The following NAA16 variants were observed in gnomAD, a reference collection of about 807,000 sequenced individuals.
NAA16 encodes the protein N-alpha-acetyltransferase 16, NatA auxiliary subunit.
In NAA16, 97 loss-of-function variants were observed where a neutral mutation model predicts 110.3. The ratio of observed to expected loss-of-function variants is 0.88; its 90% CI spans 0.75 to 1.04. The LOEUF (loss-of-function observed/expected upper bound fraction) is 1.04. Among genes scored for constraint, NAA16 ranks in the 50% least tolerant of loss-of-function variants. The probability of loss-of-function intolerance (pLI) is 0.00; values close to 1 mark genes in which losing one functional copy is unlikely to be tolerated. For missense variants in NAA16, 1,017 were observed against 1,005.1 expected (o/e 1.01, Z -0.16); for synonymous variants, 372 against 330.6 (o/e 1.13, Z -1.36).
chr13:41,322,800 T>C (rs1374500581), intron 4 of NAA16, among the ~76,000 whole-genome samples: 1 of 152,224 alleles, frequency 6.6e-6, no homozygotes, highest in Non-Finnish European at 1.5e-5. Context: ...TCTCATTATT[T>C]AAATGTAATT....
intron 3 of NAA16, 96 bp downstream of exon 3, chr13:41,319,006 A>C (rs1006042312): frequency 7.1e-6 from 4 of 566,938 alleles, no homozygotes; most frequent in African/African-American, 5.8e-5. Flanking sequence ...CCTACGTAGA[A>C]GAGAGAATTT....
rs745391055 is a variant in NAA16 at position 41,376,854 on chromosome 13, A to G, written c.*1252A>G. 3 of 152,202 alleles carry G rather than the reference A, an allele frequency of 2.0e-5. No individual in the cohort carries two copies. The highest frequency in any genetic ancestry group is 4.4e-5 in the Non-Finnish European group (3 of 68,034). 9.4% of individuals were successfully genotyped at this position (152,202 alleles called of 1,614,324 possible). On this transcript the variant is annotated 3_prime_UTR_variant, in exon 20 of 20. Coordinates refer to ENST00000379406, the MANE Select transcript of NAA16 (RefSeq NM_024561.5). ...TCAGAACCTTGTAAATATGTCTGTA[A>G]TATTAATGCTTCCCTTTATTAAGAC...
chr13:41,322,864 C>A (rs1197033319), intron 4 of NAA16, among the ~76,000 whole-genome samples, 192 bp from the exon 5 acceptor site: 1 of 152,078 alleles, frequency 6.6e-6, no homozygotes, highest in South Asian at 2.1e-4. Flanking sequence ...GACAGCCTCA[C>A]AGTGAGTATT....
intron 12 of NAA16, among the ~76,000 whole-genome samples, chr13:41,360,237 T>G (rs1435145970): frequency 6.6e-6 from 1 of 152,112 alleles, no homozygotes; most frequent in African/African-American, 2.4e-5. Flanking sequence ...CTCCAAAACT[T>G]GAAACTTTTT....
At position 41,374,820 on chromosome 13, in the gene NAA16, TAA is replaced by T; in HGVS notation, c.2381_2382del (p.Lys794ArgfsTer2). 1 of 1,608,050 alleles carries T rather than the reference TAA, an allele frequency of 6.2e-7. No homozygotes were observed. Among genetic ancestry groups the T allele is most frequent in the Non-Finnish European group, 8.5e-7 (1 of 1,176,708 alleles). ...ATAGCCACTAGACTAGATGAAACTA[TAA>T]AAGATAAAGATGTAAAGGTAAGTTT... On this transcript the variant is annotated frameshift_variant, in exon 19 of 20. Coordinates refer to ENST00000379406, the MANE Select transcript of NAA16 (RefSeq NM_024561.5). LOFTEE classifies it low-confidence loss of function (END_TRUNC).
At chr13:41,316,967 A>T in intron 2 of NAA16, 37 bp downstream of exon 2, 1 of 1,406,496 alleles carries the variant, frequency 7.1e-7, no homozygotes. Context: ...TAGGGAAATC[A>T]AATTCTAAAA....
At chr13:41,328,614 C>A in intron 6 of NAA16, 110 bp from the exon 7 acceptor site, 1 of 880,756 alleles carries the variant, frequency 1.1e-6, no homozygotes, top group Non-Finnish European at 1.7e-6. Context: ...GGGAAGCATA[C>A]AGAGTTCTGT....
intron 5 of NAA16, among the ~76,000 whole-genome samples, chr13:41,324,388 T>C: frequency 1.9e-5 from 1 of 51,606 alleles, no homozygotes; most frequent in Admixed American, 2.1e-4. Flanking sequence ...TTTTTTTTTT[T>C]TTTTTGAGAC....
chr13:41,371,533 T>G (rs2043317188), intron 15 of NAA16, among the ~76,000 whole-genome samples: 1 of 152,204 alleles, frequency 6.6e-6, no homozygotes, highest in Non-Finnish European at 1.5e-5. Context: ...ATAAGGATGA[T>G]GATCCACTTC....
At position 41,311,479 on chromosome 13, in the gene NAA16, CCCGGGCACCTAGCCTCCCTG is replaced by C. The variant is rs1405133824; in HGVS notation, c.-45_-26del. ...GTGCCCACCCCCGCGAAGCGGAGCG[CCCGGGCACCTAGCCTCCCTG>C]CCGGCCACCTAGCCTCCCTGCCGGC... is the stretch of plus-strand genomic sequence containing the variant. On this transcript the variant is annotated 5_prime_UTR_variant, in exon 1 of 20. Transcript: ENST00000379406. 3 of 1,551,154 alleles carry C rather than the reference CCCGGGCACCTAGCCTCCCTG, an allele frequency of 1.9e-6. No homozygotes were observed. The highest frequency in any genetic ancestry group is 1.7e-6 in the Non-Finnish European group (2 of 1,144,582).
Position 41,320,684 on chromosome 13 carries a change from C to A in NAA16, c.262C>A (p.Leu88Ile). 6.2e-7 allele frequency: 1 copy of A among 1,610,198 alleles called. No individual in the cohort carries two copies. The highest frequency in any genetic ancestry group is 8.5e-7 in the Non-Finnish European group (1 of 1,178,970). Residue 88 changes from leucine to isoleucine, a missense_variant, in exon 4 of 20, where the codon CTC becomes ATC. Transcript: ENST00000379406. ...KSHVCWHVYG[L>I]LQRSDKKYDE... is the part of the protein sequence containing the mutation. ...CTTAATAGGTTGGCATGTATATGGA[C>A]TCTTGCAGCGTTCTGATAAAAAATA...
intron 9 of NAA16, among the ~76,000 whole-genome samples, chr13:41,353,929 T>G (rs2042911202): frequency 6.6e-6 from 1 of 152,204 alleles, no homozygotes; most frequent in South Asian, 2.1e-4. Context: ...TAAACAATCT[T>G]TGTTTTTTAA....
Position 41,323,134 on chromosome 13 carries a change from C to G in NAA16, c.481C>G (p.Leu161Val). ...WIGYAIAYHL[L>V]KDYDMALKLL... is the part of the protein sequence containing the mutation. ...TGGATATGCTATTGCATACCATTTG[C>G]TGAAAGATTATGATATGGCCCTAAA... Residue 161 changes from leucine (L) to valine (V), a missense_variant, in exon 5 of 20, where the codon CTG becomes GTG. Coordinates refer to ENST00000379406, the MANE Select transcript of NAA16 (RefSeq NM_024561.5). The G allele has an allele frequency of 6.2e-7, 1 of 1,614,018 alleles. No individual in the cohort carries two copies. The highest frequency in any genetic ancestry group is 8.5e-7 in the Non-Finnish European group (1 of 1,179,918).
At chr13:41,332,535 C>G (rs1840893823) in intron 8 of NAA16, among the ~76,000 whole-genome samples, 1 of 152,042 alleles carries the variant, frequency 6.6e-6, no homozygotes, top group African/African-American at 2.4e-5. Flanking sequence ...TAGCTAATAT[C>G]TTTGTTGAGT....
Position 41,320,671 on chromosome 13 carries a change from G to C in NAA16, c.249G>C (p.Trp83Cys). 1 of 1,600,522 alleles carries C rather than the reference G, an allele frequency of 6.2e-7. No homozygotes were observed. Among genetic ancestry groups the C allele is most frequent in the Non-Finnish European group, 8.5e-7 (1 of 1,175,130 alleles). Reference protein sequence around the residue: ...LRNDVKSHVCWHVYGLLQRSD... With the variant: ...LRNDVKSHVCCHVYGLLQRSD... ...TTTGTTTCCTTAACTTAATAGGTTG[G>C]CATGTATATGGACTCTTGCAGCGTT... Residue 83 changes from tryptophan (W) to cysteine (C), a missense_variant, in exon 4 of 20, where the codon TGG (tryptophan) becomes TGC (cysteine). By Grantham distance (215) the Trp-to-Cys change is radical (BLOSUM62 -2). Transcript: ENST00000379406.
intron 10 of NAA16, among the ~76,000 whole-genome samples, chr13:41,357,149 T>C (rs2043007783): frequency 6.6e-6 from 1 of 152,190 alleles, no homozygotes; most frequent in African/African-American, 2.4e-5. Context: ...AGTGAGACCC[T>C]GTCCCTACAA....
At chr13:41,367,696 T>C (rs755873216) in intron 14 of NAA16, 44 bp downstream of exon 14, 11 of 1,312,780 alleles carry the variant, frequency 8.4e-6, no homozygotes, top group Middle Eastern at 2.2e-4. Context: ...GACACTAAAT[T>C]TCAGAATGCC....
chr13:41,373,777 T>G lies in NAA16; in HGVS notation c.2296T>G (p.Ser766Ala), dbSNP rs1481113949. The change falls in exon 18 of 20, where the codon TCA becomes GCA. Residue 766 changes from serine (S) to alanine (A), a missense_variant. Physicochemically the swap from Ser to Ala is moderately conservative, Grantham distance 99 (BLOSUM62 1). Transcript: ENST00000379406. The part of the protein sequence containing the change: ...RNATSLQHLL[S>A]GAKMMYFLDK... ...CGCTACCTCTCTTCAGCATCTACTT[T>G]CAGGTTTGTTTGTAGCCCCCAGGGT... 1 of 1,593,808 alleles carries G rather than the reference T, an allele frequency of 6.3e-7. No individual in the cohort carries two copies. The highest frequency in any genetic ancestry group is 8.5e-7 in the Non-Finnish European group (1 of 1,173,784).
At chr13:41,332,022 TA>T in intron 8 of NAA16, among the ~76,000 whole-genome samples, 1 of 152,254 alleles carries the variant, frequency 6.6e-6, no homozygotes, top group East Asian at 1.9e-4. Context: ...TTATATGTGG[TA>T]TCATGATTTG....
Sources: gnomAD v4.1 joint callset for allele counts (sites outside exome capture counted in the v4.1 genomes callset) on GRCh38, gnomAD v4.1.1 for gene constraint, MANE v1.5 for transcripts, NCBI Gene and HGNC (gene_info 2026-07-23, HGNC 2026-07-21) for gene names.